The following HIPK2 variants were observed in gnomAD, a reference collection of about 807,000 sequenced individuals.
HIPK2 encodes homeodomain-interacting protein kinase 2.
A neutral mutation model predicts 113.7 loss-of-function variants in HIPK2; 27 were observed. The observed-to-expected ratio is 0.24, with a 90% CI of 0.17 to 0.33. The LOEUF is 0.33. HIPK2 is among the 10% of genes least tolerant of loss of function. The probability of loss-of-function intolerance (pLI) is 1.00; values close to 1 mark genes in which losing one functional copy is unlikely to be tolerated. For missense variants in HIPK2, 1,257 were observed against 1,588.0 expected (o/e 0.79, Z 3.54); for synonymous variants, 631 against 642.2 (o/e 0.98, Z 0.26).
Position 139,614,137 on chromosome 7 carries a change from C to G in HIPK2, c.1990+149G>C, listed in dbSNP as rs1363728116. 3 of 715,916 alleles carry G rather than the reference C, an allele frequency of 4.2e-6. No homozygotes were observed. In the Middle Eastern group the frequency reaches 1.3e-3, roughly 316 times the overall value. The allele number at this position is 715,916 out of a possible 1,614,324, so 44.3% of individuals were successfully genotyped here. ...GGTTGGCCACAGTAGGAGAGGAGCC[C>G]TCTAGTTCAGTGATACCAGCGCTCT... On this transcript the variant is annotated intron_variant, in intron 8 of 14. Coordinates refer to ENST00000406875, the MANE Select transcript of HIPK2 (RefSeq NM_022740.5).
intron 2 of HIPK2, among the ~76,000 whole-genome samples, chr7:139,645,879 T>G (rs1022225202): frequency 6.6e-6 from 1 of 152,150 alleles, no homozygotes; most frequent in Non-Finnish European, 1.5e-5. Context: ...GGTGACTGGT[T>G]GGTTATTCCA....
In HIPK2 at chr7:139,614,402, G is replaced by A; in HGVS notation, c.1874C>T (p.Ala625Val). The A allele has an allele frequency of 6.4e-7, 1 of 1,574,102 alleles. No individual in the cohort carries two copies. The highest frequency in any genetic ancestry group is 1.2e-5 in the South Asian group (1 of 86,246). The change falls in exon 8 of 15, where the codon GCA becomes GTA. Residue 625 changes from alanine to valine, a missense_variant. Physicochemically the swap from Ala to Val is moderately conservative, Grantham distance 64. Transcript: ENST00000406875. ...YPSTLYQPSA[A>V]SMAAVAQRSM... ...CCGCTGGGCCACTGCAGCCATGGAT[G>A]CCGCTGAGGGCTGGTAGAGTGTAGA...
chr7:139,591,588 T>C (rs928536536), intron 12 of HIPK2, among the ~76,000 whole-genome samples: 9 of 152,142 alleles, frequency 5.9e-5, no homozygotes, highest in Non-Finnish European at 1.2e-4. Flanking sequence ...TAGGGTGAAG[T>C]GTCTCTTCTT....
chr7:139,585,137 A>T (rs1798792850), intron 12 of HIPK2, among the ~76,000 whole-genome samples: 1 of 152,246 alleles, frequency 6.6e-6, no homozygotes, highest in East Asian at 1.9e-4. Flanking sequence ...TGCCTAGGCA[A>T]CTGGTCAGTT....
intron 2 of HIPK2, among the ~76,000 whole-genome samples, chr7:139,709,136 CA>C (rs887318959): frequency 5.9e-5 from 9 of 152,106 alleles, no homozygotes; most frequent in African/African-American, 2.2e-4. Flanking sequence ...TACTTCTCTT[CA>C]AAAGAGAAGC....
At chr7:139,670,420 C>CA (rs1802223082) in intron 2 of HIPK2, among the ~76,000 whole-genome samples, 4 of 83,808 alleles carry the variant, frequency 4.8e-5, no homozygotes, top group Admixed American at 2.9e-4. Context: ...CCTATCTCTA[C>CA]AAAAAATCAG....
At position 139,613,346 on chromosome 7, in the gene HIPK2, G is replaced by A. The variant is rs750822182; in HGVS notation, c.1991-23C>T. On this transcript the variant is annotated intron_variant, in intron 8 of 14. Transcript: ENST00000406875. The surrounding 1 kb of genome is among the most constrained non-coding windows in gnomAD (Gnocchi z 4.2). Reference sequence around the variant, plus strand: ...AGCCTGTTCCAGACAGTGTGAGGGAGAGAAGGGTTAGCTGAGACGCTGTGA... The same window carrying A: ...AGCCTGTTCCAGACAGTGTGAGGGAAAGAAGGGTTAGCTGAGACGCTGTGA... The A allele has an allele frequency of 2.0e-5, 33 of 1,612,058 alleles. No homozygotes were observed. The highest frequency in any genetic ancestry group is 5.5e-5 in the South Asian group (5 of 90,670).
At chr7:139,601,345 C>G (rs1024704350) in intron 10 of HIPK2, among the ~76,000 whole-genome samples, 1 of 152,084 alleles carries the variant, frequency 6.6e-6, no homozygotes, top group Non-Finnish European at 1.5e-5. Context: ...TTATTCCACT[C>G]TGTGACGTAG....
chr7:139,572,663 C>T lies in HIPK2; in HGVS notation c.*264G>A, dbSNP rs374836358. The T allele has an allele frequency of 2.1e-5, 8 of 377,420 alleles. No individual in the cohort carries two copies. The highest frequency in any genetic ancestry group is 1.2e-4 in the East Asian group (3 of 25,002). 23.4% of individuals were successfully genotyped at this position (377,420 alleles called of 1,614,324 possible). A position where few individuals can be genotyped will look rare whatever the true frequency, so the allele number is the denominator to read the frequency against. ...ATAAAAACCATAGATTTCCCACCCT[C>T]TTTAATCCCTTCCTTTTAAAAATGT... is the stretch of plus-strand genomic sequence containing the variant. On this transcript the variant is annotated 3_prime_UTR_variant, in exon 15 of 15. Transcript: ENST00000406875.
intron 2 of HIPK2, among the ~76,000 whole-genome samples, chr7:139,670,743 CTTTCTTTCTTTCTTTCTTT>C (rs1269982746): frequency 9.5e-5 from 7 of 73,350 alleles, no homozygotes; most frequent in African/African-American, 4.6e-4. Context: ...TTCTTTCTTT[CTTTCTTTCTTTCTTTCTTT>C]TTTTTTTTTT....
At chr7:139,620,584 G>A (rs377057620) in intron 6 of HIPK2, 21 bp from the exon 7 acceptor site, 4 of 1,612,568 alleles carry the variant, frequency 2.5e-6, no homozygotes, top group Admixed American at 3.3e-5. Flanking sequence ...AAAAGGCAGA[G>A]GCATATTGAG....
chr7:139,769,616 CA>C (rs1796614681), intron 1 of HIPK2, among the ~76,000 whole-genome samples: 1 of 152,366 alleles, frequency 6.6e-6, no homozygotes, highest in South Asian at 2.1e-4. Flanking sequence ...GTTAAGCCAA[CA>C]CCAGAGCTTT....
chr7:139,586,005 C>G (rs1429393288), intron 12 of HIPK2, among the ~76,000 whole-genome samples: 1 of 152,016 alleles, frequency 6.6e-6, no homozygotes, highest in Non-Finnish European at 1.5e-5. Flanking sequence ...GACTGTATAA[C>G]AACATGACAA....
chr7:139,743,023 T>C (rs925427973), intron 1 of HIPK2, among the ~76,000 whole-genome samples: 6 of 152,204 alleles, frequency 3.9e-5, no homozygotes, highest in African/African-American at 1.4e-4. Flanking sequence ...CTAGTGGAGA[T>C]GGCTCTCTGG....
intron 12 of HIPK2, 127 bp from the exon 13 acceptor site, chr7:139,584,191 TCCCTAACC>T: frequency 7.7e-7 from 1 of 1,299,782 alleles, no homozygotes; most frequent in Non-Finnish European, 1.1e-6. Flanking sequence ...GCTTTTGCCC[TCCCTAACC>T]CCCATAGGGA....
chr7:139,598,952 C>T (rs968090671), intron 11 of HIPK2, among the ~76,000 whole-genome samples: 3 of 152,162 alleles, frequency 2.0e-5, no homozygotes, highest in African/African-American at 4.8e-5. Context: ...GATAAATTTC[C>T]CTGAGTTGTC....
chr7:139,580,299 G>A (rs2116518764), intron 13 of HIPK2, among the ~76,000 whole-genome samples: 1 of 152,308 alleles, frequency 6.6e-6, no homozygotes, highest in East Asian at 1.9e-4. Context: ...AATGTTAGAT[G>A]AAATGGGCGT....
intron 1 of HIPK2, among the ~76,000 whole-genome samples, chr7:139,753,764 C>G (rs1314074289): frequency 6.6e-6 from 1 of 152,214 alleles, no homozygotes; most frequent in Non-Finnish European, 1.5e-5. Context: ...TGCATACACA[C>G]CAGCGGCCCC....
At chr7:139,595,157 T>C (rs1799158144) in intron 12 of HIPK2, among the ~76,000 whole-genome samples, 1 of 152,206 alleles carries the variant, frequency 6.6e-6, no homozygotes. Flanking sequence ...GATTGTCAGA[T>C]TTTAAATTGC....
Sources: gnomAD v4.1 joint callset for allele counts (sites outside exome capture counted in the v4.1 genomes callset) on GRCh38, gnomAD v4.1.1 for gene constraint, Gnocchi (gnomAD v3.1) non-coding constraint, MANE v1.5 for transcripts, NCBI Gene and HGNC (gene_info 2026-07-23, HGNC 2026-07-21) for gene names.